CFAP299: variants seen among roughly 807,000 people sequenced by gnomAD.
CFAP299 encodes the protein cilia- and flagella-associated protein 299.
CFAP299 carries 21 observed loss-of-function variants against 27.0 expected under a neutral mutation model. The observed-to-expected ratio is 0.78, with a 90% CI of 0.55 to 1.12. CFAP299 has a LOEUF of 1.12. Among genes scored for constraint, CFAP299 ranks in the 50% most tolerant of loss-of-function variants. The pLI is 0.00. For missense variants in CFAP299, 310 were observed against 276.6 expected (o/e 1.12, Z -0.86); for synonymous variants, 104 against 98.1 (o/e 1.06, Z -0.36).
intron 3 of CFAP299, among the ~76,000 whole-genome samples, chr4:80,779,722 A>G (rs1726763437): frequency 6.6e-6 from 1 of 151,728 alleles, no homozygotes; most frequent in Admixed American, 6.6e-5. Flanking sequence ...CTGGCATACT[A>G]TTTCCTAAAT....
chr4:80,729,934 G>A (rs1029606157), intron 3 of CFAP299, among the ~76,000 whole-genome samples: 1 of 152,020 alleles, frequency 6.6e-6, no homozygotes, highest in African/African-American at 2.4e-5. Flanking sequence ...AGTTTACCTT[G>A]ACACAGTTTC....
intron 5 of CFAP299, 145 bp from the exon 6 acceptor site, chr4:80,963,372 A>G (rs1340636294): frequency 5.0e-6 from 3 of 594,568 alleles, no homozygotes; most frequent in Non-Finnish European, 8.9e-6. Context: ...GAAAAAGACT[A>G]GGGGGAAAAC....
At chr4:80,399,295 G>T (rs1402627779) in intron 2 of CFAP299, among the ~76,000 whole-genome samples, 3 of 152,130 alleles carry the variant, frequency 2.0e-5, no homozygotes, top group Admixed American at 1.3e-4. Flanking sequence ...ATTCCTCAAG[G>T]ATCTAGAACT....
intron 3 of CFAP299, among the ~76,000 whole-genome samples, chr4:80,828,166 CA>C (rs1015695533): frequency 9.2e-5 from 14 of 151,982 alleles, no homozygotes; most frequent in South Asian, 2.1e-4. Context: ...ATTGCAATGA[CA>C]TTTTTTTTTG....
At chr4:80,764,480 G>A (rs7686532) in intron 3 of CFAP299, among the ~76,000 whole-genome samples, 2 of 151,966 alleles carry the variant, frequency 1.3e-5, no homozygotes, top group Admixed American at 6.5e-5. Flanking sequence ...ATAGGAACGC[G>A]TTTACATAGT....
intron 2 of CFAP299, among the ~76,000 whole-genome samples, chr4:80,522,993 T>C (rs1228294790): frequency 1.3e-5 from 2 of 151,566 alleles, no homozygotes; most frequent in African/African-American, 2.4e-5. Context: ...TCTTTATGGT[T>C]CCACATGAAT....
intron 2 of CFAP299, among the ~76,000 whole-genome samples, chr4:80,444,106 A>C (rs1319695722): frequency 2.0e-5 from 3 of 152,222 alleles, no homozygotes; most frequent in Non-Finnish European, 4.4e-5. Flanking sequence ...CACACTGCCC[A>C]CAGTAGTTTA....
intron 4 of CFAP299, among the ~76,000 whole-genome samples, chr4:80,917,340 A>C (rs962004745): frequency 2.0e-5 from 3 of 152,178 alleles, no homozygotes; most frequent in Admixed American, 6.5e-5. Context: ...TTGTTTTACA[A>C]ATGTATTACT....
intron 3 of CFAP299, among the ~76,000 whole-genome samples, chr4:80,653,401 A>T (rs555468113): frequency 4.5e-5 from 3 of 66,904 alleles, no homozygotes; most frequent in Admixed American, 1.9e-4. Flanking sequence ...TATACAGTAC[A>T]AAAATTTAAA....
intron 3 of CFAP299, among the ~76,000 whole-genome samples, chr4:80,693,549 G>C (rs945422916): frequency 1.5e-5 from 2 of 136,366 alleles, no homozygotes; most frequent in African/African-American, 5.4e-5. Flanking sequence ...GACTGTGGTG[G>C]GGTGGGGGAG....
At chr4:80,842,087 T>C (rs1201423585) in intron 3 of CFAP299, among the ~76,000 whole-genome samples, 1 of 151,880 alleles carries the variant, frequency 6.6e-6, no homozygotes, top group African/African-American at 2.4e-5. Context: ...ATGGGGTGGC[T>C]GGTGAGGATG....
chr4:80,589,197 C>A (rs904529526), intron 3 of CFAP299, among the ~76,000 whole-genome samples: 1 of 152,084 alleles, frequency 6.6e-6, no homozygotes, highest in Non-Finnish European at 1.5e-5. Context: ...TGATTTATAT[C>A]TTTATTTCTG....
chr4:80,590,488 A>G (rs923136970), intron 3 of CFAP299, among the ~76,000 whole-genome samples: 1 of 152,036 alleles, frequency 6.6e-6, no homozygotes, highest in Non-Finnish European at 1.5e-5. Context: ...AATACAAAAA[A>G]ATAGCCGGGT....
At chr4:80,825,122 G>T (rs1403302281) in intron 3 of CFAP299, among the ~76,000 whole-genome samples, 1 of 151,554 alleles carries the variant, frequency 6.6e-6, no homozygotes, top group Non-Finnish European at 1.5e-5. Flanking sequence ...TACAATAACT[G>T]AAATAAAACA....
At chr4:80,355,286 T>C (rs1323744423) in intron 1 of CFAP299, among the ~76,000 whole-genome samples, 1 of 152,112 alleles carries the variant, frequency 6.6e-6, no homozygotes, top group African/African-American at 2.4e-5. Context: ...ATCAGTGATG[T>C]TGAACTTTTT....
intron 3 of CFAP299, among the ~76,000 whole-genome samples, chr4:80,602,562 C>T (rs1310868894): frequency 1.3e-5 from 2 of 152,104 alleles, no homozygotes; most frequent in African/African-American, 4.8e-5. Flanking sequence ...GAGAAGAATT[C>T]TAGCATAGAA....
chr4:80,672,696 A>G (rs1251735657), intron 3 of CFAP299, among the ~76,000 whole-genome samples: 2 of 152,184 alleles, frequency 1.3e-5, no homozygotes, highest in Non-Finnish European at 2.9e-5. Context: ...TTATTGGTCT[A>G]TTCAGAGATT....
At position 80,390,798 on chromosome 4, in the gene CFAP299, T is replaced by C. The variant is rs532368169; in HGVS notation, c.242+27914T>C. On this transcript the variant is annotated intron_variant, in intron 2 of 5. Transcript: ENST00000358105. Reference sequence around the variant, plus strand: ...ATATACATATACACATATATGTATATGTATATATGTATACACACATATATG... The same window carrying C: ...ATATACATATACACATATATGTATACGTATATATGTATACACACATATATG... 3.3e-3 allele frequency among the ~76,000 whole-genome samples: 476 copies of C among 142,838 alleles called. 1 individual carries two copies. Among genetic ancestry groups the C allele is most frequent in the South Asian group, 5.5e-3 (25 of 4,580 alleles). 93.7% of individuals were successfully genotyped at this position (142,838 alleles called of 152,430 possible). A position where few individuals can be genotyped will look rare whatever the true frequency, so the allele number is the denominator to read the frequency against.
intron 3 of CFAP299, among the ~76,000 whole-genome samples, chr4:80,841,760 A>G (rs1203486136): frequency 2.0e-5 from 3 of 152,092 alleles, no homozygotes; most frequent in Non-Finnish European, 2.9e-5. Context: ...GGCAGAGCTA[A>G]GCTAAACCAC....
Sources: gnomAD v4.1 joint callset for allele counts (sites outside exome capture counted in the v4.1 genomes callset) on GRCh38, gnomAD v4.1.1 for gene constraint, MANE v1.5 for transcripts, NCBI Gene and HGNC (gene_info 2026-07-23, HGNC 2026-07-21) for gene names.